ENTREP2: variants seen among roughly 807,000 people sequenced by gnomAD.
ENTREP2 encodes the protein endosomal transmembrane epsin interactor 2.
chr15:29,214,690 T>A, the ENTREP2 span, among the ~76,000 whole-genome samples: 11 of 141,750 alleles, frequency 7.8e-5, no homozygotes, highest in South Asian at 2.2e-4. Context: ...AGTATAATAA[T>A]AAAAAAAAAA....
chr15:29,391,452 G>A, the ENTREP2 span, among the ~76,000 whole-genome samples: 2 of 152,046 alleles, frequency 1.3e-5, no homozygotes, highest in African/African-American at 4.8e-5. Flanking sequence ...ATAAATTGAT[G>A]ACAAAGATCA....
the ENTREP2 span, among the ~76,000 whole-genome samples, chr15:29,264,580 G>A: frequency 6.6e-6 from 1 of 152,156 alleles, no homozygotes; most frequent in Non-Finnish European, 1.5e-5. Context: ...CAATCATGAA[G>A]AAACAGCAGA....
At chr15:29,277,504 G>C in the ENTREP2 span, among the ~76,000 whole-genome samples, 1 of 152,154 alleles carries the variant, frequency 6.6e-6, no homozygotes, top group Non-Finnish European at 1.5e-5. Flanking sequence ...TGGAAGGTGC[G>C]GGAGTGGGAG....
the ENTREP2 span, among the ~76,000 whole-genome samples, chr15:29,344,054 T>A: frequency 0.038 from 5,796 of 152,240 alleles, 372 homozygotes; most frequent in African/African-American, 0.13. Flanking sequence ...ATCTGGTGTA[T>A]CCTCCAAGCA....
chr15:29,640,253 T>C, the ENTREP2 span, among the ~76,000 whole-genome samples: 1 of 152,182 alleles, frequency 6.6e-6, no homozygotes, highest in Non-Finnish European at 1.5e-5. Context: ...ACAAATTAGA[T>C]GACTTAGGTG....
the ENTREP2 span, among the ~76,000 whole-genome samples, chr15:29,666,789 T>C: frequency 6.6e-6 from 1 of 152,320 alleles, no homozygotes; most frequent in East Asian, 1.9e-4. Context: ...AACCATAGAC[T>C]GGAGGGCATA....
the ENTREP2 span, among the ~76,000 whole-genome samples, chr15:29,472,458 CACACACACACACACAT>C: frequency 0.013 from 1,965 of 148,390 alleles, 45 homozygotes; most frequent in African/African-American, 0.047. Flanking sequence ...CACACACACA[CACACACACACACACAT>C]ATAAATTTGA....
the ENTREP2 span, among the ~76,000 whole-genome samples, chr15:29,573,393 G>A: frequency 6.6e-6 from 1 of 152,178 alleles, no homozygotes; most frequent in Non-Finnish European, 1.5e-5. Context: ...AACAATTCAT[G>A]AATAAGGCAG....
At chr15:29,639,227 G>A in the ENTREP2 span, among the ~76,000 whole-genome samples, 1 of 152,190 alleles carries the variant, frequency 6.6e-6, no homozygotes, top group East Asian at 1.9e-4. Flanking sequence ...TCAAATGCAT[G>A]TTGGGTCGTG....
At chr15:29,546,913 AAAC>A in the ENTREP2 span, among the ~76,000 whole-genome samples, 10 of 148,880 alleles carry the variant, frequency 6.7e-5, no homozygotes, top group East Asian at 3.9e-4. Context: ...ACAAAAAAAA[AAAC>A]GGATACAATT....
chr15:29,153,419 A>C, the ENTREP2 span, among the ~76,000 whole-genome samples: 3 of 152,216 alleles, frequency 2.0e-5, no homozygotes, highest in African/African-American at 7.2e-5. Flanking sequence ...TTCCTGGTTG[A>C]AGATGGCTAA....
At chr15:29,344,279 C>G in the ENTREP2 span, among the ~76,000 whole-genome samples, 2 of 152,204 alleles carry the variant, frequency 1.3e-5, no homozygotes, top group Non-Finnish European at 2.9e-5. Context: ...TAAACCAACA[C>G]TTTTTAAGCC....
chr15:29,454,600 G>A, the ENTREP2 span, among the ~76,000 whole-genome samples: 2 of 152,150 alleles, frequency 1.3e-5, no homozygotes, highest in Non-Finnish European at 2.9e-5. Flanking sequence ...TTAGTATGTG[G>A]CACACAGCCT....
At chr15:29,278,560 A>G in the ENTREP2 span, among the ~76,000 whole-genome samples, 22 of 152,306 alleles carry the variant, frequency 1.4e-4, no homozygotes, top group African/African-American at 5.3e-4. Context: ...GTACTTCAAA[A>G]GGCATGTAGA....
chr15:29,239,234 C>A, the ENTREP2 span, among the ~76,000 whole-genome samples: 1 of 152,082 alleles, frequency 6.6e-6, no homozygotes, highest in Non-Finnish European at 1.5e-5. Context: ...CCTTCCCTTG[C>A]CACCAAATGC....
At chr15:29,298,092 AG>A in the ENTREP2 span, among the ~76,000 whole-genome samples, 1 of 152,216 alleles carries the variant, frequency 6.6e-6, no homozygotes, top group African/African-American at 2.4e-5. Context: ...TAATTAAGCT[AG>A]GACTATATAA....
the ENTREP2 span, among the ~76,000 whole-genome samples, chr15:29,270,321 C>CGG: frequency 3.3e-5 from 5 of 152,222 alleles, no homozygotes; most frequent in Non-Finnish European, 5.9e-5. Context: ...AAACCAAAGT[C>CGG]GGCTGCAGGC....
the ENTREP2 span, among the ~76,000 whole-genome samples, chr15:29,487,338 A>G: frequency 6.6e-6 from 1 of 152,206 alleles, no homozygotes; most frequent in African/African-American, 2.4e-5. Flanking sequence ...AGTATAAACA[A>G]GAAATGAAGG....
the ENTREP2 span, among the ~76,000 whole-genome samples, chr15:29,251,308 A>G: frequency 5.3e-5 from 8 of 152,230 alleles, no homozygotes; most frequent in Non-Finnish European, 8.8e-5. Flanking sequence ...GTATATTCAT[A>G]CCAGAATGCA....
Sources: gnomAD v4.1 joint callset for allele counts (sites outside exome capture counted in the v4.1 genomes callset) on GRCh38, gnomAD v4.1.1 for gene constraint, MANE v1.5 for transcripts, NCBI Gene and HGNC (gene_info 2026-07-23, HGNC 2026-07-21) for gene names.